NKD1: variants seen among roughly 807,000 people sequenced by gnomAD.
The protein encoded by NKD1 is NKD inhibitor of Wnt signaling pathway 1.
NKD1 carries 21 observed loss-of-function variants against 56.0 expected under a neutral mutation model. That is an observed-to-expected ratio of 0.38 (90% CI 0.27 to 0.54). The LOEUF is 0.54. NKD1 is among the 20% of genes least tolerant of loss of function. The pLI, the probability that NKD1 is intolerant of heterozygous loss-of-function variation, is 0.82. For missense variants in NKD1, 578 were observed against 642.7 expected, an observed-to-expected ratio of 0.90 and a Z score of 1.09; for synonymous variants, 263 against 265.7, an observed-to-expected ratio of 0.99 and a Z score of 0.10.
Position 50,630,820 on chromosome 16 carries a change from A to G in NKD1, c.611-6A>G. 6.3e-7 allele frequency: 1 copy of G among 1,591,784 alleles called. No individual in the cohort carries two copies. Among genetic ancestry groups the G allele is most frequent in the Non-Finnish European group, 8.5e-7 (1 of 1,169,874 alleles). On this transcript the variant is annotated splice_polypyrimidine_tract_variant and splice_region_variant and intron_variant, in intron 7 of 9. Transcript: ENST00000268459. ...GTGTCTCCTGTGCTTCTCGGGCCGG[A>G]CTCAGACCTGCAGAGCGCAAGGCCC...
chr16:50,625,114 T>C, intron 5 of NKD1: 1 of 308,030 alleles, frequency 3.2e-6, no homozygotes, highest in Non-Finnish European at 6.3e-6. Flanking sequence ...TACCCTGGCA[T>C]CCTCCTGGGG....
Position 50,649,208 on chromosome 16 carries a change from G to A in NKD1, c.*15427G>A, listed in dbSNP as rs1474448189. ...GACTGGGCTTTGTTTGCAACTTTCT[G>A]ATAATTTATAATTATTTCAAAATAA... On this transcript the variant is annotated 3_prime_UTR_variant, in exon 10 of 10. Transcript: ENST00000268459. The A allele has an allele frequency of 6.6e-6, 1 of 152,158 alleles. No individual in the cohort carries two copies. 9.4% of individuals were successfully genotyped at this position (152,158 alleles called of 1,614,324 possible). A position where few individuals can be genotyped will look rare whatever the true frequency, so the allele number is the denominator to read the frequency against.
rs534443604 is a variant in NKD1, at chr16:50,625,264, C to T, written c.367-221C>T. The T allele has an allele frequency of 2.7e-5, 16 of 586,452 alleles. No homozygotes were observed. The African/African-American group carries it at 3.0e-4, about 11-fold the overall frequency. 36.3% of individuals were successfully genotyped at this position (586,452 alleles called of 1,614,324 possible). On this transcript the variant is annotated intron_variant, in intron 5 of 9. Transcript: ENST00000268459. The stretch of plus-strand genomic sequence containing the variant: ...AAGACCCACAGACCACCAGGCACCC[C>T]TGCAGGCATCCCTCCCCAGGCCAAA...
rs1962722438 is a variant in NKD1 at position 50,648,545 on chromosome 16, A to G, written c.*14764A>G. The stretch of plus-strand genomic sequence containing the variant: ...TCTTGACTTCTTGATTGTTTTTGTG[A>G]TACTGACACATCCCCCCTTTCAGAA... On this transcript the variant is annotated 3_prime_UTR_variant, in exon 10 of 10. Transcript: ENST00000268459. The G allele has an allele frequency of 6.6e-6, 1 of 152,214 alleles. No individual in the cohort carries two copies. Among genetic ancestry groups the G allele is most frequent in the Admixed American group, 6.5e-5 (1 of 15,278 alleles). The allele number at this position is 152,214 out of a possible 1,614,324, so 9.4% of individuals were successfully genotyped here. A position where few individuals can be genotyped will look rare whatever the true frequency, so the allele number is the denominator to read the frequency against.
intron 3 of NKD1, 118 bp downstream of exon 3, chr16:50,549,673 C>A: frequency 3.9e-6 from 4 of 1,028,824 alleles, no homozygotes; most frequent in Non-Finnish European, 5.4e-6. Flanking sequence ...GTCTGAAAAT[C>A]TCTTCTCAGC....
chr16:50,617,221 C>G (rs1440379311), intron 4 of NKD1, among the ~76,000 whole-genome samples: 1 of 152,124 alleles, frequency 6.6e-6, no homozygotes, highest in African/African-American at 2.4e-5. Context: ...TGTCTAGACC[C>G]ACAGTCAAAG....
chr16:50,569,055 T>A (rs1960826146), intron 3 of NKD1, among the ~76,000 whole-genome samples: 1 of 152,248 alleles, frequency 6.6e-6, no homozygotes, highest in Non-Finnish European at 1.5e-5. Context: ...TCTGGTTCTC[T>A]GGGAGATCTA....
intron 3 of NKD1, chr16:50,574,044 T>C: frequency 1.1e-6 from 1 of 869,636 alleles, no homozygotes; most frequent in Non-Finnish European, 1.4e-6. Flanking sequence ...TTCAGTACTT[T>C]TTGAAATAGT....
intron 6 of NKD1, among the ~76,000 whole-genome samples, chr16:50,627,076 G>GC (rs1962235526): frequency 6.6e-6 from 1 of 152,096 alleles, no homozygotes; most frequent in African/African-American, 2.4e-5. Context: ...GTTGGAGGAG[G>GC]AAGTTGTGAC....
At chr16:50,600,554 A>C (rs1190989008) in intron 3 of NKD1, among the ~76,000 whole-genome samples, 2 of 152,162 alleles carry the variant, frequency 1.3e-5, no homozygotes, top group South Asian at 2.1e-4. Flanking sequence ...AAAGAGAGAG[A>C]GAGCCAATTT....
chr16:50,561,711 A>G (rs934178718), intron 3 of NKD1, among the ~76,000 whole-genome samples: 6 of 152,192 alleles, frequency 3.9e-5, no homozygotes, highest in Non-Finnish European at 7.3e-5. Flanking sequence ...GGACTCTTTA[A>G]GGTTTAGGCC....
At chr16:50,608,244 A>G (rs1961760498) in intron 3 of NKD1, 50 bp from the exon 4 acceptor site, 1 of 1,312,848 alleles carries the variant, frequency 7.6e-7, no homozygotes, top group Non-Finnish European at 1.1e-6. Context: ...ACGTCCCAGC[A>G]CTGGGCTCCC....
chr16:50,633,701 G>T lies in NKD1; in HGVS notation c.1333G>T (p.Ala445Ser). 1 of 1,589,216 alleles carries T rather than the reference G, an allele frequency of 6.3e-7. No individual in the cohort carries two copies. The highest frequency in any genetic ancestry group is 8.6e-7 in the Non-Finnish European group (1 of 1,168,200). The change falls in exon 10 of 10, where the codon GCC (alanine) becomes TCC (serine). Residue 445 changes from alanine to serine, a missense_variant. Physicochemically the swap from Ala to Ser is moderately conservative, Grantham distance 99. Coordinates refer to ENST00000268459, the MANE Select transcript of NKD1 (RefSeq NM_033119.5). The surrounding 1 kb of genome is among the most constrained non-coding windows in gnomAD (Gnocchi z 4.9). ...LPALVVYESQ[A>S]GQPVQRHEHH... ...CGCCTTGGTGGTGTATGAGAGCCAGGCCGGGCAGCCGGTCCAGAGACATGA... is the reference window on the plus strand; with the variant it reads ...CGCCTTGGTGGTGTATGAGAGCCAGTCCGGGCAGCCGGTCCAGAGACATGA...
rs1252391724 is a variant in NKD1 at position 50,548,423 on chromosome 16, G to A, written c.-131G>A. The A allele has an allele frequency of 6.5e-6, 3 of 459,156 alleles. No homozygotes were observed. The highest frequency in any genetic ancestry group is 4.2e-5 in the African/African-American group (2 of 47,300). The allele number at this position is 459,156 out of a possible 1,614,324, so 28.4% of individuals were successfully genotyped here. On this transcript the variant is annotated 5_prime_UTR_variant, in exon 1 of 10. Coordinates refer to ENST00000268459, the MANE Select transcript of NKD1 (RefSeq NM_033119.5). ...TCGGGCCGCGGCGACGGCGGCAGGA[G>A]CGCGTCCCGGCGCCGCCTCGGGCTC...
chr16:50,598,222 G>A lies in NKD1; in HGVS notation c.193-10072G>A, dbSNP rs1326313930. 7.1e-6 allele frequency among the ~76,000 whole-genome samples: 1 copy of A among 140,300 alleles called. No individual in the cohort carries two copies. Among genetic ancestry groups the A allele is most frequent in the Non-Finnish European group, 1.5e-5 (1 of 66,738 alleles). 92.0% of individuals were successfully genotyped at this position (140,300 alleles called of 152,430 possible). A position where few individuals can be genotyped will look rare whatever the true frequency, so the allele number is the denominator to read the frequency against. ...TCCAGGGCACTGCAGGGCCGCATGG[G>A]TGGACTCTGTGTGTGTGTGTGTGTG... On this transcript the variant is annotated intron_variant, in intron 3 of 9. Transcript: ENST00000268459. The surrounding 1 kb of genome is among the most constrained non-coding windows in gnomAD (Gnocchi z 4.2).
At chr16:50,570,928 C>G (rs1170931194) in intron 3 of NKD1, 96 of 985,334 alleles carry the variant, frequency 9.7e-5, no homozygotes, top group Non-Finnish European at 1.1e-4. Flanking sequence ...CATAGCAGCC[C>G]TGTGCCAGGC....
chr16:50,562,295 G>T, intron 3 of NKD1: 10 of 982,616 alleles, frequency 1.0e-5, no homozygotes, highest in Non-Finnish European at 1.2e-5. Flanking sequence ...AGTCTATTCA[G>T]GCCTGTGTCA....
intron 3 of NKD1, among the ~76,000 whole-genome samples, chr16:50,571,231 C>T (rs1413543712): frequency 6.6e-6 from 1 of 152,202 alleles, no homozygotes; most frequent in African/African-American, 2.4e-5. Context: ...CTATAACAAA[C>T]CCAAATTCTG....
In NKD1 at chr16:50,548,577, G is replaced by C. The variant is rs1465414135; in HGVS notation, c.24G>C (p.Pro8=). 1 of 1,468,144 alleles carries C rather than the reference G, an allele frequency of 6.8e-7. No homozygotes were observed. The highest frequency in any genetic ancestry group is 9.0e-7 in the Non-Finnish European group (1 of 1,115,522). The allele number at this position is 1,468,144 out of a possible 1,614,324, so 90.9% of individuals were successfully genotyped here. The change falls in exon 1 of 10, where the codon CCG becomes CCC. Residue 8 remains proline (P), a splice_region_variant and synonymous_variant. Transcript: ENST00000268459. MGKLHSK[P]AAVCKRRESP... is the part of the protein sequence containing the mutation. ...GCATGGGGAAACTTCACTCCAAGCC[G>C]GGTCAGTGCCCCCGCCCGCGCGCTC...
Sources: allele counts gnomAD v4.1 joint callset (sites outside exome capture counted in the v4.1 genomes callset), GRCh38; gene constraint gnomAD v4.1.1; non-coding constraint Gnocchi (gnomAD v3.1); transcripts MANE v1.5; gene names NCBI Gene and HGNC (gene_info 2026-07-23, HGNC 2026-07-21).